Variants in TAFA1 observed in about 807,000 individuals in gnomAD.
The protein encoded by TAFA1 is TAFA chemokine like family member 1.
A neutral mutation model predicts 18.5 loss-of-function variants in TAFA1; 4 were observed. The ratio of observed to expected loss-of-function variants is 0.22; its 90% CI spans 0.11 to 0.49. TAFA1 has a LOEUF of 0.49. TAFA1 is among the 20% of genes least tolerant of loss of function. The pLI is 0.98. For synonymous variants in TAFA1, 56 were observed against 55.2 expected (o/e 1.01, Z -0.06); for missense variants, 147 against 169.0 (o/e 0.87, Z 0.72).
chr3:68,232,139 C>T (rs1186859626), intron 2 of TAFA1, among the ~76,000 whole-genome samples: 1 of 152,158 alleles, frequency 6.6e-6, no homozygotes, highest in Non-Finnish European at 1.5e-5. Flanking sequence ...TCACCCTATA[C>T]TACTATAGGA....
At chr3:68,324,541 T>G (rs1307915263) in intron 2 of TAFA1, among the ~76,000 whole-genome samples, 5 of 152,114 alleles carry the variant, frequency 3.3e-5, no homozygotes, top group South Asian at 2.1e-4. Context: ...GTTGTAGGAT[T>G]TGGCTTGTGA....
At chr3:68,324,112 T>C (rs1342435362) in intron 2 of TAFA1, among the ~76,000 whole-genome samples, 4 of 152,206 alleles carry the variant, frequency 2.6e-5, no homozygotes, top group Non-Finnish European at 4.4e-5. Context: ...TGCTGGGCCA[T>C]GACAAAGCTT....
At chr3:68,539,653 C>T (rs2073335141) in intron 4 of TAFA1, among the ~76,000 whole-genome samples, 1 of 109,398 alleles carries the variant, frequency 9.1e-6, no homozygotes, top group South Asian at 3.5e-4. Flanking sequence ...TTCTCTCTCT[C>T]TTTGTCTCTC....
intron 2 of TAFA1, among the ~76,000 whole-genome samples, chr3:68,102,196 A>T (rs2065155119): frequency 6.6e-6 from 1 of 152,134 alleles, no homozygotes; most frequent in Non-Finnish European, 1.5e-5. Flanking sequence ...TTAGGTAGAA[A>T]CGTCAATGTT....
chr3:68,395,645 T>C (rs954307214), intron 2 of TAFA1, among the ~76,000 whole-genome samples: 20 of 152,218 alleles, frequency 1.3e-4, no homozygotes, highest in Non-Finnish European at 2.9e-4. Context: ...AATGAGTTTA[T>C]GTCCTTTGCA....
chr3:68,134,211 G>T (rs773192641), intron 2 of TAFA1, among the ~76,000 whole-genome samples: 1 of 152,066 alleles, frequency 6.6e-6, no homozygotes, highest in Non-Finnish European at 1.5e-5. Context: ...AAGGGAGATT[G>T]GAGATTTGAT....
At chr3:67,999,459 G>T (rs1704260882), upstream of TAFA1, among the ~76,000 whole-genome samples, 1 of 152,102 alleles carries the variant, frequency 6.6e-6, no homozygotes, top group African/African-American at 2.4e-5. Flanking sequence ...TCTTCTAAAA[G>T]TAAGAGGCTA....
chr3:68,386,136 T>C (rs1027762315), intron 2 of TAFA1, among the ~76,000 whole-genome samples: 1 of 152,108 alleles, frequency 6.6e-6, no homozygotes, highest in African/African-American at 2.4e-5. Context: ...TTGTGCCAAA[T>C]TTATTCTCCA....
intron 2 of TAFA1, among the ~76,000 whole-genome samples, chr3:68,031,736 T>C (rs1256414584): frequency 1.3e-5 from 2 of 152,188 alleles, no homozygotes; most frequent in African/African-American, 2.4e-5. Context: ...TTAGGCTTCA[T>C]TGTGTGAACA....
At chr3:68,171,211 A>G (rs932122737) in intron 2 of TAFA1, among the ~76,000 whole-genome samples, 1 of 152,164 alleles carries the variant, frequency 6.6e-6, no homozygotes, top group Non-Finnish European at 1.5e-5. Context: ...TTAGTGTTGG[A>G]GTGATACAAT....
At chr3:68,346,441 C>T (rs1575794473) in intron 2 of TAFA1, among the ~76,000 whole-genome samples, 2 of 152,098 alleles carry the variant, frequency 1.3e-5, no homozygotes, top group South Asian at 4.1e-4. Context: ...TACAGGCAAT[C>T]TTGTGTTAAT....
At position 68,482,118 on chromosome 3, in the gene TAFA1, G is replaced by A. The variant is rs764082205; in HGVS notation, c.260-56638G>A. 2.0e-5 allele frequency among the ~76,000 whole-genome samples: 3 copies of A among 152,140 alleles called. No individual in the cohort carries two copies. The South Asian group carries it at 6.2e-4, about 32-fold the overall frequency. ...CTCTGCCTCCCGGGTTCATGCCAGT[G>A]TCCTGCCTCAGCCTCCTGAGTAGCT... is the stretch of plus-strand genomic sequence containing the variant. On this transcript the variant is annotated intron_variant, in intron 3 of 4. Transcript: ENST00000478136.
At chr3:68,361,985 A>G (rs2069476547) in intron 2 of TAFA1, among the ~76,000 whole-genome samples, 1 of 152,102 alleles carries the variant, frequency 6.6e-6, no homozygotes, top group Admixed American at 6.6e-5. Context: ...CCAGTCCCCA[A>G]CTTAGCACTA....
chr3:68,212,186 G>A (rs1186848170), intron 2 of TAFA1, among the ~76,000 whole-genome samples: 1 of 151,556 alleles, frequency 6.6e-6, no homozygotes, highest in Non-Finnish European at 1.5e-5. Flanking sequence ...CTTGGGGAGA[G>A]GAGGGGCAAA....
intron 2 of TAFA1, among the ~76,000 whole-genome samples, chr3:68,053,997 G>A (rs1422771809): frequency 2.0e-5 from 3 of 152,150 alleles, no homozygotes; most frequent in Non-Finnish European, 4.4e-5. Flanking sequence ...GAGCCACCAT[G>A]ACTGACCTAC....
At position 68,253,187 on chromosome 3, in the gene TAFA1, A is replaced by G. The variant is rs568176049; in HGVS notation, c.119-164093A>G. On this transcript the variant is annotated intron_variant, in intron 2 of 4. Coordinates refer to ENST00000478136, the MANE Select transcript of TAFA1 (RefSeq NM_213609.4). ...GATGGTTAAATGCACTAATACTTAT[A>G]AAAGCATTTAGAAAAAATAGCTGGA... is the stretch of plus-strand genomic sequence containing the variant. 5.3e-4 allele frequency among the ~76,000 whole-genome samples: 81 copies of G among 152,324 alleles called. 1 individual carries two copies. Among genetic ancestry groups the G allele is most frequent in the African/African-American group, 1.8e-3 (75 of 41,574 alleles).
intron 3 of TAFA1, among the ~76,000 whole-genome samples, chr3:68,502,390 T>C (rs1024526965): frequency 5.9e-5 from 9 of 152,150 alleles, no homozygotes; most frequent in African/African-American, 1.7e-4. Flanking sequence ...TAGTTACTTA[T>C]GAAACCTCAG....
rs533439888 is a variant in TAFA1, at chr3:68,109,590, C to T, written c.118+102846C>T. On this transcript the variant is annotated intron_variant, in intron 2 of 4. Coordinates refer to ENST00000478136, the MANE Select transcript of TAFA1 (RefSeq NM_213609.4). ...TAGCTGAAATGATGAGTGAAGGCCT[C>T]TTAGAAGAGGTAATATTCCAGGAGA... Among the ~76,000 whole-genome samples, 93 of 152,200 alleles carry T rather than the reference C, an allele frequency of 6.1e-4. 1 individual carries two copies. Among genetic ancestry groups the T allele is most frequent in the Middle Eastern group, 6.8e-3 (2 of 294 alleles).
In TAFA1 at chr3:68,383,506, A is replaced by G. The variant is rs114915242; in HGVS notation, c.119-33774A>G. On this transcript the variant is annotated intron_variant, in intron 2 of 4. Transcript: ENST00000478136. The stretch of plus-strand genomic sequence containing the variant: ...ATTTATTTTTTTGTGTCTGTTGAAC[A>G]AACTTTGCATTCCAGGGGTGAAGCC... Among the ~76,000 whole-genome samples the G allele has an allele frequency of 8.2e-3, 1,247 of 152,176 alleles. 15 individuals are homozygous for G. Among genetic ancestry groups the G allele is most frequent in the African/African-American group, 0.028 (1,176 of 41,534 alleles).
Sources: gnomAD v4.1 joint callset for allele counts (sites outside exome capture counted in the v4.1 genomes callset) on GRCh38, gnomAD v4.1.1 for gene constraint, MANE v1.5 for transcripts, NCBI Gene and HGNC (gene_info 2026-07-23, HGNC 2026-07-21) for gene names.